The following SERHL2 variants were observed in gnomAD, a reference collection of about 807,000 sequenced individuals.
The protein encoded by SERHL2 is serine hydrolase-like protein 2.
A neutral mutation model predicts 25.5 loss-of-function variants in SERHL2; 29 were observed. The observed-to-expected ratio is 1.14, with a 90% CI of 0.85 to 1.55. The LOEUF is 1.55. Among genes scored for constraint, SERHL2 ranks in the 40% most tolerant of loss-of-function variants. The pLI, the probability that SERHL2 is intolerant of heterozygous loss-of-function variation, is 0.00. For synonymous variants in SERHL2, 95 were observed against 103.5 expected, an observed-to-expected ratio of 0.92 and a Z score of 0.50; for missense variants, 240 against 252.3, an observed-to-expected ratio of 0.95 and a Z score of 0.33.
chr22:42,554,097 CAGTAGA>C (rs1371889276), intron 1 of SERHL2, 55 bp downstream of exon 1: 1 of 1,596,200 alleles, frequency 6.3e-7, no homozygotes, highest in African/African-American at 1.3e-5. Context: ...CTGGTTGGGA[CAGTAGA>C]AGAGGGCGGG....
chr22:42,564,952 C>G (rs1367712423), intron 8 of SERHL2: 1 of 145,818 alleles, frequency 6.9e-6, no homozygotes, highest in Non-Finnish European at 1.5e-5. Flanking sequence ...AGTGTGCCAC[C>G]ATGCTCGGCG....
rs137055 is a variant in SERHL2 at position 42,574,026 on chromosome 22, T to C, written c.916T>C (p.Cys306Arg). 216,273 of 1,610,290 alleles carry C rather than the reference T, an allele frequency of 0.13. 29,457 individuals carry two copies. The highest frequency in any genetic ancestry group is 0.69 in the East Asian group (30,923 of 44,812). ...VASIISSFLQ[C>R]THMLPAQL The stretch of plus-strand genomic sequence containing the variant: ...CAGTATCATCAGCTCCTTCTTACAG[T>C]GCACACACATGCTCCCAGCCCAGCT... The change falls in exon 12 of 12, where the codon TGC becomes CGC. Residue 306 changes from cysteine to arginine, a missense_variant. This residue lies in a region of SERHL2 where 212 missense variants were observed against 168.9 expected (regional missense o/e 1.25). Coordinates refer to ENST00000327678, the MANE Select transcript of SERHL2 (RefSeq NM_014509.5).
At chr22:42,557,557 CAAAAAAAAAA>C (rs3046378) in intron 6 of SERHL2, among the ~76,000 whole-genome samples, 2 of 45,518 alleles carry the variant, frequency 4.4e-5, no homozygotes, top group Admixed American at 4.0e-4. Flanking sequence ...CTCCGTCTCC[CAAAAAAAAAA>C]AAAAAAAAAA....
rs554279455 is a variant in SERHL2, at chr22:42,559,971, C to A, written c.534-215C>A. 6.6e-5 allele frequency among the ~76,000 whole-genome samples: 10 copies of A among 151,964 alleles called. No homozygotes were observed. In the South Asian group the frequency reaches 2.1e-3, roughly 32 times the overall value. ...GGATTACAGGCACATGCCACCATGT[C>A]CAGCTAAGTTTTGTATTTTTAGTAG... On this transcript the variant is annotated intron_variant, in intron 7 of 11. Transcript: ENST00000327678.
In SERHL2 at chr22:42,566,296, G is replaced by C. The variant is rs765773914; in HGVS notation, c.614-8G>C. On this transcript the variant is annotated splice_polypyrimidine_tract_variant and splice_region_variant and intron_variant, in intron 8 of 11. Coordinates refer to ENST00000327678, the MANE Select transcript of SERHL2 (RefSeq NM_014509.5). ...TTGACGCTGCTGTCTTTGTGCTTCCGCCTCCAGGTCTGGTTCTGAACAGAG... is the reference window on the plus strand; with the variant it reads ...TTGACGCTGCTGTCTTTGTGCTTCCCCCTCCAGGTCTGGTTCTGAACAGAG... 14 of 1,611,270 alleles carry C rather than the reference G, an allele frequency of 8.7e-6. No homozygotes were observed. Among genetic ancestry groups the C allele is most frequent in the Non-Finnish European group, 1.1e-5 (13 of 1,178,778 alleles).
At chr22:42,554,591 G>A (rs1005541922) in intron 1 of SERHL2, among the ~76,000 whole-genome samples, 5 of 150,250 alleles carry the variant, frequency 3.3e-5, no homozygotes, top group African/African-American at 5.0e-5. Flanking sequence ...GGCTCAAGAC[G>A]TTTTAGTAAC....
chr22:42,561,345 T>G (rs1281931515), intron 8 of SERHL2, among the ~76,000 whole-genome samples: 1 of 151,812 alleles, frequency 6.6e-6, no homozygotes, highest in Non-Finnish European at 1.5e-5. Context: ...GTCCCTTCCC[T>G]TTTAGACTCC....
At chr22:42,563,802 A>G (rs747428506) in intron 8 of SERHL2, among the ~76,000 whole-genome samples, 24 of 152,010 alleles carry the variant, frequency 1.6e-4, no homozygotes, top group Non-Finnish European at 2.6e-4. Context: ...GACCAGGCAC[A>G]GTGGCTCATG....
intron 8 of SERHL2, among the ~76,000 whole-genome samples, chr22:42,561,439 T>C (rs900113239): frequency 7.1e-6 from 1 of 140,488 alleles, no homozygotes; most frequent in African/African-American, 2.7e-5. Flanking sequence ...CTTCCCTTTA[T>C]AAAGTGCTGA....
intron 9 of SERHL2, among the ~76,000 whole-genome samples, chr22:42,567,617 T>C (rs1393466737): frequency 3.3e-5 from 5 of 151,612 alleles, no homozygotes; most frequent in Admixed American, 6.6e-5. Flanking sequence ...TGAGCCGAGA[T>C]TGCGCCACTG....
rs1266568303 is a variant in SERHL2 at position 42,571,469 on chromosome 22, G to T, written c.731+266G>T. ...TCAGCGGGGGGCATGCCCAGGTAAG[G>T]CTCCATAACCAGTGAGCCCAGTCTC... On this transcript the variant is annotated intron_variant, in intron 10 of 11. Coordinates refer to ENST00000327678, the MANE Select transcript of SERHL2 (RefSeq NM_014509.5). 5 of 1,318,272 alleles carry T rather than the reference G, an allele frequency of 3.8e-6. No homozygotes were observed. In the Admixed American group the frequency reaches 9.3e-5, roughly 25 times the overall value. 81.7% of individuals were successfully genotyped at this position (1,318,272 alleles called of 1,614,324 possible). A position where few individuals can be genotyped will look rare whatever the true frequency, so the allele number is the denominator to read the frequency against.
At chr22:42,561,538 T>G (rs756120620) in intron 8 of SERHL2, among the ~76,000 whole-genome samples, 1 of 151,358 alleles carries the variant, frequency 6.6e-6, no homozygotes, top group Non-Finnish European at 1.5e-5. Flanking sequence ...AGGGAGGCTA[T>G]GGGCTGTGTA....
chr22:42,573,788 G>A, intron 11 of SERHL2, 148 bp from the exon 12 acceptor site: 1 of 785,548 alleles, frequency 1.3e-6, no homozygotes, highest in Non-Finnish European at 2.1e-6. Context: ...GGGGCTCCAA[G>A]GAGCCGAGTG....
At chr22:42,563,501 G>A (rs1922962710) in intron 8 of SERHL2, 1 of 368,332 alleles carries the variant, frequency 2.7e-6, no homozygotes, top group Non-Finnish European at 5.5e-6. Flanking sequence ...ACCATGCCCA[G>A]CCAACCCTGT....
Position 42,567,795 on chromosome 22 carries a change from A to C in SERHL2, c.648+1457A>C, listed in dbSNP as rs528720197. On this transcript the variant is annotated intron_variant, in intron 9 of 11. Transcript: ENST00000327678. ...GCAAAGGCTGGAGTGCAATGGCACT[A>C]TCTCAGCTCACGGCAACCTTTGCCT... 2.6e-5 allele frequency among the ~76,000 whole-genome samples: 4 copies of C among 151,722 alleles called. No homozygotes were observed. The East Asian group carries it at 7.7e-4, about 29-fold the overall frequency.
intron 8 of SERHL2, among the ~76,000 whole-genome samples, chr22:42,562,554 G>T (rs551665180): frequency 1.3e-5 from 2 of 151,908 alleles, no homozygotes; most frequent in East Asian, 1.9e-4. Context: ...GACGCAGAGT[G>T]GGGAGGGCAG....
intron 8 of SERHL2, among the ~76,000 whole-genome samples, 172 bp downstream of exon 8, chr22:42,560,437 A>G (rs1922548905): frequency 6.6e-6 from 1 of 152,030 alleles, no homozygotes; most frequent in Non-Finnish European, 1.5e-5. Context: ...ACCAAGGCTC[A>G]GCATTGCCAA....
At chr22:42,554,290 G>A (rs1386961962) in intron 1 of SERHL2, among the ~76,000 whole-genome samples, 1 of 152,150 alleles carries the variant, frequency 6.6e-6, no homozygotes, top group Admixed American at 6.5e-5. Flanking sequence ...CGTGGGTGTC[G>A]GGGGTGCGCA....
chr22:42,556,466 C>A, intron 5 of SERHL2, 48 bp from the exon 6 acceptor site: 1 of 1,613,114 alleles, frequency 6.2e-7, no homozygotes, highest in Admixed American at 1.7e-5. Context: ...GCGGGAGTGT[C>A]CTTTCCTTCT....
Sources: allele counts gnomAD v4.1 joint callset (sites outside exome capture counted in the v4.1 genomes callset), GRCh38; gene constraint gnomAD v4.1.1; regional missense constraint gnomAD v4.1.1; transcripts MANE v1.5; gene names NCBI Gene and HGNC (gene_info 2026-07-23, HGNC 2026-07-21).